The following CDH2 variants were observed in gnomAD, a reference collection of about 807,000 sequenced individuals.
CDH2 encodes cadherin 2.
Under a neutral mutation model 92.0 loss-of-function variants are expected in CDH2, and 17 were observed. The observed-to-expected ratio is 0.18, with a 90% CI of 0.13 to 0.28. The LOEUF (loss-of-function observed/expected upper bound fraction) is 0.28, where lower values mean the gene tolerates loss of function less well. CDH2 is among the 10% of genes least tolerant of loss of function. The pLI, the probability that CDH2 is intolerant of heterozygous loss-of-function variation, is 1.00. For missense variants in CDH2, 862 were observed against 1,133.1 expected (o/e 0.76, Z 3.44); for synonymous variants, 419 against 415.9 (o/e 1.01, Z -0.09).
intron 1 of CDH2, among the ~76,000 whole-genome samples, chr18:28,170,938 A>G (rs979878944): frequency 6.6e-6 from 1 of 151,682 alleles, no homozygotes; most frequent in Non-Finnish European, 1.5e-5. Context: ...AAAAAAAAAA[A>G]CTAGAGGAGG....
intron 5 of CDH2, among the ~76,000 whole-genome samples, chr18:28,006,717 C>CAAA (rs35592550): frequency 1.5e-4 from 12 of 77,570 alleles, no homozygotes; most frequent in South Asian, 4.0e-4. Flanking sequence ...GACTCTGTCT[C>CAAA]AAAAAAAAAA....
chr18:28,092,441 T>C (rs1450492612), intron 2 of CDH2, among the ~76,000 whole-genome samples: 4 of 152,090 alleles, frequency 2.6e-5, no homozygotes, highest in Non-Finnish European at 5.9e-5. Context: ...TAATTTTGTT[T>C]GTCACCCTCA....
chr18:28,078,827 C>G (rs1480295834), intron 2 of CDH2, among the ~76,000 whole-genome samples: 3 of 152,148 alleles, frequency 2.0e-5, no homozygotes, highest in African/African-American at 7.2e-5. Context: ...AAGTGTGCTG[C>G]TCACTCTTCC....
At chr18:27,938,261 C>G (rs374516178) in intron 6 of CDH2, among the ~76,000 whole-genome samples, 1 of 152,092 alleles carries the variant, frequency 6.6e-6, no homozygotes, top group African/African-American at 2.4e-5. Flanking sequence ...AACCGTGAAC[C>G]AGTTAAACTT....
intron 1 of CDH2, among the ~76,000 whole-genome samples, chr18:28,161,468 T>C (rs2016305042): frequency 6.7e-6 from 1 of 150,000 alleles, no homozygotes; most frequent in African/African-American, 2.5e-5. Flanking sequence ...TAGTCCCAGC[T>C]ACTTGGGAGG....
intron 7 of CDH2, among the ~76,000 whole-genome samples, chr18:27,999,659 T>TATATATAC (rs201949951): frequency 1.3e-5 from 2 of 150,750 alleles, no homozygotes; most frequent in East Asian, 1.9e-4. Flanking sequence ...TAAATTTATA[T>TATATATAC]ATATATACAT....
At chr18:28,092,939 T>C (rs1306659969) in intron 2 of CDH2, among the ~76,000 whole-genome samples, 1 of 152,188 alleles carries the variant, frequency 6.6e-6, no homozygotes, top group Non-Finnish European at 1.5e-5. Context: ...AGGCAAACAA[T>C]GATTTTGAAT....
intron 2 of CDH2, among the ~76,000 whole-genome samples, chr18:28,122,281 T>C (rs534106860): frequency 2.0e-5 from 3 of 152,262 alleles, no homozygotes; most frequent in African/African-American, 4.8e-5. Flanking sequence ...TGTCTGTATT[T>C]GTATCAAACA....
downstream of CDH2, among the ~76,000 whole-genome samples, chr18:27,947,685 ATAAGTGTATATGATG>A (rs1459413805): frequency 6.7e-6 from 1 of 149,174 alleles, no homozygotes; most frequent in East Asian, 1.9e-4. Context: ...TATATGTGAT[ATAAGTGTATATGATG>A]TAAGTATATG....
intron 15 of CDH2, among the ~76,000 whole-genome samples, chr18:27,958,605 T>TTATATATG (rs1381576393): frequency 6.6e-6 from 1 of 151,094 alleles, no homozygotes; most frequent in East Asian, 1.9e-4. Flanking sequence ...AAGTGTATAT[T>TTATATATG]TATATATGTA....
chr18:28,109,037 T>C (rs2015368053), intron 2 of CDH2, among the ~76,000 whole-genome samples: 1 of 152,136 alleles, frequency 6.6e-6, no homozygotes, highest in Non-Finnish European at 1.5e-5. Context: ...TGATTAATCT[T>C]ATTAAACCAG....
chr18:28,159,905 C>T (rs765873541), intron 1 of CDH2, among the ~76,000 whole-genome samples: 1 of 152,190 alleles, frequency 6.6e-6, no homozygotes, highest in Non-Finnish European at 1.5e-5. Context: ...GATCCACCCA[C>T]CTCAGTCTCC....
chr18:28,028,251 A>G (rs2013609336), intron 2 of CDH2, among the ~76,000 whole-genome samples: 1 of 152,108 alleles, frequency 6.6e-6, no homozygotes, highest in Non-Finnish European at 1.5e-5. Flanking sequence ...ATTGAGAACA[A>G]ATGTGTCCCC....
chr18:28,174,494 G>C (rs17495410), intron 1 of CDH2, among the ~76,000 whole-genome samples: 1 of 152,310 alleles, frequency 6.6e-6, no homozygotes, highest in East Asian at 1.9e-4. Flanking sequence ...TTGTACTCAT[G>C]AATTAGAGGA....
intron 2 of CDH2, among the ~76,000 whole-genome samples, chr18:28,131,150 A>C (rs2015762746): frequency 6.6e-6 from 1 of 152,210 alleles, no homozygotes; most frequent in East Asian, 1.9e-4. Flanking sequence ...AGATATTTTA[A>C]GTTCTTCAGT....
At chr18:28,076,442 G>A (rs187731259) in intron 2 of CDH2, among the ~76,000 whole-genome samples, 15 of 152,094 alleles carry the variant, frequency 9.9e-5, no homozygotes, top group Admixed American at 8.5e-4. Context: ...TATAATCACT[G>A]TGATGATTAT....
Position 28,023,231 on chromosome 18 carries a change from T to C in CDH2, c.173-9322A>G, listed in dbSNP as rs577238132. Among the ~76,000 whole-genome samples the C allele has an allele frequency of 2.6e-5, 4 of 152,320 alleles. No individual in the cohort carries two copies. In the East Asian group the frequency reaches 7.7e-4, roughly 29 times the overall value. On this transcript the variant is annotated intron_variant, in intron 2 of 15. Transcript: ENST00000269141. ...CTATGTGAGTAAAACTCATCTCAGA[T>C]GAAACTCTTGATGTTTACACCTTCA...
intron 2 of CDH2, among the ~76,000 whole-genome samples, chr18:28,015,825 T>A (rs1355483703): frequency 6.6e-6 from 1 of 152,206 alleles, no homozygotes; most frequent in Non-Finnish European, 1.5e-5. Flanking sequence ...CTGCTTAAAA[T>A]CTGTAACATT....
intron 2 of CDH2, among the ~76,000 whole-genome samples, chr18:28,135,839 A>C (rs1598499454): frequency 6.6e-6 from 1 of 152,302 alleles, no homozygotes; most frequent in South Asian, 2.1e-4. Flanking sequence ...AGCCTTGAAA[A>C]CCATGCAGAA....
Sources: gnomAD v4.1 joint callset for allele counts (sites outside exome capture counted in the v4.1 genomes callset) on GRCh38, gnomAD v4.1.1 for gene constraint, MANE v1.5 for transcripts, NCBI Gene and HGNC (gene_info 2026-07-23, HGNC 2026-07-21) for gene names.